EPHA6: variants seen among roughly 807,000 people sequenced by gnomAD.
EPHA6 encodes the protein ephrin type-A receptor 6.
Under a neutral mutation model 112.0 loss-of-function variants are expected in EPHA6, and 50 were observed. The observed-to-expected ratio is 0.45, with a 90% CI of 0.36 to 0.56. The LOEUF is 0.56. Among genes scored for constraint, EPHA6 ranks in the 20% least tolerant of loss-of-function variants. The probability of loss-of-function intolerance (pLI) is 0.00; values close to 1 mark genes in which losing one functional copy is unlikely to be tolerated. For missense variants in EPHA6, 1,280 were observed against 1,417.4 expected (o/e 0.90, Z 1.56); for synonymous variants, 529 against 490.7 (o/e 1.08, Z -1.03).
intron 5 of EPHA6, among the ~76,000 whole-genome samples, chr3:97,380,431 G>A (rs1196027949): frequency 6.6e-6 from 1 of 152,114 alleles, no homozygotes; most frequent in Non-Finnish European, 1.5e-5. Flanking sequence ...ACAATATAGT[G>A]CACACAAGAT....
At chr3:96,884,880 T>C (rs1044386162) in intron 2 of EPHA6, among the ~76,000 whole-genome samples, 2 of 152,170 alleles carry the variant, frequency 1.3e-5, no homozygotes, top group African/African-American at 4.8e-5. Context: ...TGGCTTTTAT[T>C]ATGTTAAGGT....
At chr3:97,147,410 C>A (rs1017600827) in intron 3 of EPHA6, among the ~76,000 whole-genome samples, 3 of 151,952 alleles carry the variant, frequency 2.0e-5, no homozygotes, top group Non-Finnish European at 4.4e-5. Flanking sequence ...ACTATGTCCT[C>A]CTGAGAGGAA....
At chr3:97,381,907 A>C (rs1278742086) in intron 5 of EPHA6, among the ~76,000 whole-genome samples, 2 of 152,082 alleles carry the variant, frequency 1.3e-5, no homozygotes, top group African/African-American at 4.8e-5. Context: ...GACGCACTTA[A>C]TAAAGAAATT....
intron 3 of EPHA6, among the ~76,000 whole-genome samples, chr3:97,171,174 G>A (rs1249696245): frequency 6.6e-6 from 1 of 152,116 alleles, no homozygotes. Flanking sequence ...GATTTCCCAT[G>A]GAGTTGAGAC....
chr3:97,660,164 A>G (rs1261734896), intron 14 of EPHA6, among the ~76,000 whole-genome samples: 1 of 152,030 alleles, frequency 6.6e-6, no homozygotes, highest in African/African-American at 2.4e-5. Flanking sequence ...TAACAACCAT[A>G]TATAATAGCA....
At chr3:97,011,930 A>G (rs1213876656) in intron 3 of EPHA6, among the ~76,000 whole-genome samples, 1 of 152,094 alleles carries the variant, frequency 6.6e-6, no homozygotes, top group East Asian at 1.9e-4. Flanking sequence ...TTTGTGCATT[A>G]ATTTACTTGG....
At chr3:97,598,950 T>C (rs1435648271) in intron 12 of EPHA6, among the ~76,000 whole-genome samples, 2 of 151,174 alleles carry the variant, frequency 1.3e-5, no homozygotes, top group African/African-American at 4.8e-5. Flanking sequence ...TTTTTAATGA[T>C]TGCCATTCTA....
At chr3:97,126,148 A>C (rs2048177110) in intron 3 of EPHA6, among the ~76,000 whole-genome samples, 2 of 152,286 alleles carry the variant, frequency 1.3e-5, no homozygotes, top group East Asian at 3.9e-4. Flanking sequence ...GGGCTCTTAA[A>C]CATTTGGAAA....
intron 3 of EPHA6, among the ~76,000 whole-genome samples, chr3:97,072,975 C>T (rs1455002374): frequency 6.6e-6 from 1 of 152,130 alleles, no homozygotes; most frequent in African/African-American, 2.4e-5. Flanking sequence ...GGGTTTTCCA[C>T]TCCAGGCCTC....
At chr3:97,524,656 C>G (rs185277949) in intron 10 of EPHA6, among the ~76,000 whole-genome samples, 1 of 152,196 alleles carries the variant, frequency 6.6e-6, no homozygotes, top group East Asian at 1.9e-4. Flanking sequence ...TCTTATAAGG[C>G]CAGTCCCATG....
At chr3:96,870,303 A>G (rs1035473416) in intron 2 of EPHA6, among the ~76,000 whole-genome samples, 6 of 152,020 alleles carry the variant, frequency 3.9e-5, no homozygotes, top group African/African-American at 1.4e-4. Flanking sequence ...TACTGACATC[A>G]GTTCCCAAGT....
chr3:97,186,344 C>A (rs1002559920), intron 3 of EPHA6, among the ~76,000 whole-genome samples: 5 of 152,050 alleles, frequency 3.3e-5, no homozygotes, highest in African/African-American at 1.2e-4. Flanking sequence ...TGGTACTATT[C>A]TCAGAAGTAC....
intron 10 of EPHA6, among the ~76,000 whole-genome samples, chr3:97,515,140 T>C (rs1404249724): frequency 6.6e-6 from 1 of 152,200 alleles, no homozygotes; most frequent in African/African-American, 2.4e-5. Flanking sequence ...AAATAGAATA[T>C]AGCTGAGAAC....
chr3:96,938,021 T>C (rs951596582), intron 2 of EPHA6, among the ~76,000 whole-genome samples: 14 of 152,136 alleles, frequency 9.2e-5, no homozygotes, highest in Non-Finnish European at 1.8e-4. Context: ...CCTTGTAGTA[T>C]AGTTTGAAGT....
chr3:97,213,370 A>G (rs2077932783), intron 3 of EPHA6, among the ~76,000 whole-genome samples: 2 of 152,176 alleles, frequency 1.3e-5, no homozygotes, highest in Admixed American at 1.3e-4. Flanking sequence ...CTTTCTTAAG[A>G]ATTTCGGCTC....
chr3:97,196,095 T>C (rs1559790908), intron 3 of EPHA6, among the ~76,000 whole-genome samples: 1 of 151,664 alleles, frequency 6.6e-6, no homozygotes. Context: ...CTCTATCCCC[T>C]CTTAAAGGCC....
chr3:96,939,640 T>G (rs141987529), intron 2 of EPHA6, among the ~76,000 whole-genome samples: 2 of 152,348 alleles, frequency 1.3e-5, no homozygotes, highest in African/African-American at 4.8e-5. Flanking sequence ...TCTTGCCTTG[T>G]GCTAGCTTTT....
chr3:97,740,566 A>G (rs917996219), intron 16 of EPHA6, among the ~76,000 whole-genome samples: 2 of 152,146 alleles, frequency 1.3e-5, no homozygotes, highest in Non-Finnish European at 2.9e-5. Flanking sequence ...AGTACATATT[A>G]GTCTATCTTG....
intron 6 of EPHA6, among the ~76,000 whole-genome samples, chr3:97,446,965 G>C (rs527768406): frequency 2.0e-5 from 3 of 152,012 alleles, no homozygotes; most frequent in Admixed American, 6.6e-5. Context: ...AATATAAGTT[G>C]CAGTTTTTTG....
Sources: gnomAD v4.1 joint callset for allele counts (sites outside exome capture counted in the v4.1 genomes callset) on GRCh38, gnomAD v4.1.1 for gene constraint, MANE v1.5 for transcripts, NCBI Gene and HGNC (gene_info 2026-07-23, HGNC 2026-07-21) for gene names.